The following CAPN13 variants were observed in gnomAD, a reference collection of about 807,000 sequenced individuals.
CAPN13 encodes calpain-13.
In CAPN13, 90 loss-of-function variants were observed where a neutral mutation model predicts 98.4. The ratio of observed to expected loss-of-function variants is 0.92; its 90% CI spans 0.77 to 1.09. The LOEUF (loss-of-function observed/expected upper bound fraction) is 1.09, where lower values mean the gene tolerates loss of function less well. Ranked by LOEUF, CAPN13 falls within the 50% of genes least tolerant of loss-of-function variation. The pLI is 0.00. For missense variants in CAPN13, 887 were observed against 841.3 expected, an observed-to-expected ratio of 1.05 and a Z score of -0.67; for synonymous variants, 330 against 305.5, an observed-to-expected ratio of 1.08 and a Z score of -0.84.
At chr2:30,759,504 G>A (rs533825189) in intron 7 of CAPN13, among the ~76,000 whole-genome samples, 1 of 152,320 alleles carries the variant, frequency 6.6e-6, no homozygotes, top group East Asian at 1.9e-4. Context: ...GGAGACAGAG[G>A]CCCAGAGGGG....
chr2:30,730,351 T>C (rs1204607618), intron 22 of CAPN13, among the ~76,000 whole-genome samples: 1 of 152,224 alleles, frequency 6.6e-6, no homozygotes, highest in African/African-American at 2.4e-5. Flanking sequence ...TAGAGCCCGC[T>C]CTTCTCTCCC....
chr2:30,753,306 T>A, intron 9 of CAPN13, 108 bp from the exon 10 acceptor site: 1 of 1,127,052 alleles, frequency 8.9e-7, no homozygotes, highest in Non-Finnish European at 1.3e-6. Context: ...GGCCAGTGTC[T>A]GATCCTGGCT....
Position 30,777,629 on chromosome 2 carries a change from C to G in CAPN13, c.209G>C (p.Gly70Ala). Residue 70 changes from glycine to alanine, a missense_variant, in exon 3 of 23, where the codon GGG becomes GCG. Physicochemically the swap from Gly to Ala is moderately conservative, Grantham distance 60. Transcript: ENST00000295055. ...ATCCAGGATGAAGTGAGGAGGACCC[C>G]CTGGTAGATCCTTTAGGAAAGAGGG... ...VIWKRPQDLP[G>A]GPPHFILDDI... The G allele has an allele frequency of 6.4e-7, 1 of 1,573,396 alleles. No individual in the cohort carries two copies. Among genetic ancestry groups the G allele is most frequent in the Non-Finnish European group, 8.6e-7 (1 of 1,157,580 alleles).
At chr2:30,745,615 G>T in intron 12 of CAPN13, 108 bp downstream of exon 12, 1 of 1,113,232 alleles carries the variant, frequency 9.0e-7, no homozygotes, top group African/African-American at 1.5e-5. Flanking sequence ...TAGCGAGACT[G>T]AATTTGCAGC....
chr2:30,778,147 TC>T (rs1673796898), intron 2 of CAPN13, among the ~76,000 whole-genome samples: 1 of 152,202 alleles, frequency 6.6e-6, no homozygotes, highest in Admixed American at 6.5e-5. Context: ...TACACATGAC[TC>T]AGCTCTTTGC....
In CAPN13 at chr2:30,798,276, T is replaced by C. The variant is rs77730238; in HGVS notation, c.-33+9026A>G. The stretch of plus-strand genomic sequence containing the variant: ...CTGAAGAAGAGAACTTCCAATGACA[T>C]GAATTACCACAGAACAAGGAAGGCC... On this transcript the variant is annotated intron_variant, in intron 1 of 22. Coordinates refer to ENST00000295055, the MANE Select transcript of CAPN13 (RefSeq NM_144575.3). Among the ~76,000 whole-genome samples the C allele has an allele frequency of 7.1e-3, 1,080 of 152,280 alleles. 16 individuals are homozygous for C. Among genetic ancestry groups the C allele is most frequent in the African/African-American group, 0.024 (1,012 of 41,544 alleles).
intron 1 of CAPN13, among the ~76,000 whole-genome samples, chr2:30,796,570 C>A (rs1371008792): frequency 6.6e-6 from 1 of 152,030 alleles, no homozygotes; most frequent in Non-Finnish European, 1.5e-5. Context: ...ACTCTTTCAT[C>A]ATTTTTAATA....
At chr2:30,762,991 G>T in intron 7 of CAPN13, 91 bp downstream of exon 7, 1 of 1,037,908 alleles carries the variant, frequency 9.6e-7, no homozygotes, top group Non-Finnish European at 1.4e-6. Flanking sequence ...TCTTTCTTGG[G>T]CTTTCATGTG....
At chr2:30,800,158 A>AAGAAAG (rs1553322265) in intron 1 of CAPN13, among the ~76,000 whole-genome samples, 6 of 150,342 alleles carry the variant, frequency 4.0e-5, no homozygotes, top group Admixed American at 6.6e-5. Context: ...GAAAGAAAGA[A>AAGAAAG]AGAAAGAAAG....
Position 30,754,281 on chromosome 2 carries a change from G to T in CAPN13, c.941+9C>A, listed in dbSNP as rs531667295. 6 of 1,598,198 alleles carry T rather than the reference G, an allele frequency of 3.8e-6. No individual in the cohort carries two copies. In the South Asian group the frequency reaches 6.9e-5, roughly 18 times the overall value. On this transcript the variant is annotated intron_variant, in intron 9 of 22. Transcript: ENST00000295055. ...ATTTAAAACACCATTGTATAAGAAG[G>T]GTAAATACCAAAACTCGCCATCTTC...
rs745954205 is a variant in CAPN13 at position 30,732,559 on chromosome 2, G to A, written c.1806C>T (p.Leu602=). Residue 602 remains leucine (L), a synonymous_variant, in exon 20 of 23, where the codon CTC becomes CTT. Coordinates refer to ENST00000295055, the MANE Select transcript of CAPN13 (RefSeq NM_144575.3). ...LWKAIENTDF[L]RGIFISRELL... Reference sequence around the variant, plus strand: ...GCTCACGGCTGATGAAGATCCCTCTGAGGAAGTCTGGGGCCACAGGTGAAC... The same window carrying A: ...GCTCACGGCTGATGAAGATCCCTCTAAGGAAGTCTGGGGCCACAGGTGAAC... The A allele has an allele frequency of 1.2e-5, 20 of 1,607,972 alleles. No individual in the cohort carries two copies. Among genetic ancestry groups the A allele is most frequent in the Admixed American group, 3.4e-5 (2 of 59,272 alleles).
chr2:30,751,805 G>A (rs1365255523), intron 10 of CAPN13, among the ~76,000 whole-genome samples: 1 of 152,250 alleles, frequency 6.6e-6, no homozygotes, highest in Non-Finnish European at 1.5e-5. Context: ...GACAATGGGG[G>A]AGCTCTGCAA....
chr2:30,754,367 G>C lies in CAPN13; in HGVS notation c.867-3C>G. On this transcript the variant is annotated splice_polypyrimidine_tract_variant and splice_region_variant and intron_variant, in intron 8 of 22. Coordinates refer to ENST00000295055, the MANE Select transcript of CAPN13 (RefSeq NM_144575.3). ...AGGTTTCCTCCCACTCCTGAGACCTGAGCATGGACACACAAACCACAGGGT... is the reference window on the plus strand; with the variant it reads ...AGGTTTCCTCCCACTCCTGAGACCTCAGCATGGACACACAAACCACAGGGT... The C allele has an allele frequency of 1.3e-6, 2 of 1,597,334 alleles. No homozygotes were observed. Among genetic ancestry groups the C allele is most frequent in the Non-Finnish European group, 1.7e-6 (2 of 1,173,784 alleles).
At chr2:30,726,828 C>G (rs186116333) in intron 22 of CAPN13, among the ~76,000 whole-genome samples, 25 of 152,166 alleles carry the variant, frequency 1.6e-4, no homozygotes, top group African/African-American at 6.0e-4. Context: ...ATCAAAATCC[C>G]AGAAGCTGAT....
At chr2:30,741,344 C>A in intron 15 of CAPN13, 1 of 971,890 alleles carries the variant, frequency 1.0e-6, no homozygotes. Flanking sequence ...TCATCGGTAT[C>A]ACTTTCCACT....
intron 5 of CAPN13, among the ~76,000 whole-genome samples, chr2:30,768,998 T>C (rs1385409364): frequency 6.6e-6 from 1 of 151,980 alleles, no homozygotes; most frequent in Admixed American, 6.5e-5. Flanking sequence ...ACAATACTTA[T>C]CTTGGCTACA....
At chr2:30,758,772 TCCTC>T (rs1170844468) in intron 7 of CAPN13, among the ~76,000 whole-genome samples, 2 of 72,988 alleles carry the variant, frequency 2.7e-5, no homozygotes, top group African/African-American at 6.8e-5. Context: ...TTCCTTTCCT[TCCTC>T]CCTCCCTCCC....
At chr2:30,747,719 C>A (rs1000586283) in intron 11 of CAPN13, among the ~76,000 whole-genome samples, 1 of 152,166 alleles carries the variant, frequency 6.6e-6, no homozygotes, top group Non-Finnish European at 1.5e-5. Flanking sequence ...AGCCCTGGAG[C>A]CTTCTGAGAG....
chr2:30,798,347 TA>T (rs1446452998), intron 1 of CAPN13, among the ~76,000 whole-genome samples: 1 of 152,214 alleles, frequency 6.6e-6, no homozygotes, highest in Non-Finnish European at 1.5e-5. Flanking sequence ...TGGATGACTC[TA>T]CACGGGGTCC....
Sources: allele counts gnomAD v4.1 joint callset (sites outside exome capture counted in the v4.1 genomes callset), GRCh38; gene constraint gnomAD v4.1.1; transcripts MANE v1.5; gene names NCBI Gene and HGNC (gene_info 2026-07-23, HGNC 2026-07-21).